Variants in KCNN2 observed in about 807,000 individuals in gnomAD.
The protein encoded by KCNN2 is small conductance calcium-activated potassium channel protein 2.
In KCNN2, 24 loss-of-function variants were observed where a neutral mutation model predicts 55.5. The ratio of observed to expected loss-of-function variants is 0.43; its 90% CI spans 0.31 to 0.61. The LOEUF is 0.61. KCNN2 is among the 20% of genes least tolerant of loss of function. KCNN2 has a pLI of 0.08. For synonymous variants in KCNN2, 431 were observed against 336.1 expected, an observed-to-expected ratio of 1.28 and a Z score of -3.09; for missense variants, 754 against 853.6, an observed-to-expected ratio of 0.88 and a Z score of 1.45.
intron 1 of KCNN2, among the ~76,000 whole-genome samples, chr5:114,213,250 T>TGCCC (rs1753926551): frequency 6.6e-6 from 1 of 152,066 alleles, no homozygotes; most frequent in Admixed American, 6.6e-5. Flanking sequence ...TTATAGATAT[T>TGCCC]GCCCATGAGT....
At chr5:114,274,732 T>G (rs568232271) in intron 2 of KCNN2, among the ~76,000 whole-genome samples, 1 of 152,306 alleles carries the variant, frequency 6.6e-6, no homozygotes, top group African/African-American at 2.4e-5. Flanking sequence ...AAGGAGATTT[T>G]GGGATGAGAC....
In KCNN2 at chr5:114,362,345, G is replaced by C. The variant is rs1757453356; in HGVS notation, c.206G>C (p.Cys69Ser). Residue 69 changes from cysteine to serine, a missense_variant, in exon 1 of 8, where the codon TGC (cysteine) becomes TCC (serine). Coordinates refer to ENST00000673685, the MANE Select transcript of KCNN2 (RefSeq NM_021614.4). Reference protein sequence around the residue: ...ASGGSSPCLRCNSCASSGAPA... With the variant: ...ASGGSSPCLRSNSCASSGAPA... ...GGCGGCAGCAGCCCATGCCTCCGGTGCAACAGCTGCGCCTCCTCCGGTGCC... is the reference window on the plus strand; with the variant it reads ...GGCGGCAGCAGCCCATGCCTCCGGTCCAACAGCTGCGCCTCCTCCGGTGCC... The C allele has an allele frequency of 1.1e-5, 2 of 188,762 alleles. No individual in the cohort carries two copies. Among genetic ancestry groups the C allele is most frequent in the Non-Finnish European group, 2.1e-5 (2 of 93,586 alleles). 11.7% of individuals were successfully genotyped at this position (188,762 alleles called of 1,614,324 possible). A position where few individuals can be genotyped will look rare whatever the true frequency, so the allele number is the denominator to read the frequency against.
intron 1 of KCNN2, among the ~76,000 whole-genome samples, chr5:114,072,259 T>A (rs1423055237): frequency 6.6e-6 from 1 of 151,204 alleles, no homozygotes; most frequent in Non-Finnish European, 1.5e-5. Flanking sequence ...GCCATTGCAC[T>A]CCAGCCTGGG....
chr5:114,252,688 C>G (rs1754892633), intron 2 of KCNN2, among the ~76,000 whole-genome samples: 1 of 152,064 alleles, frequency 6.6e-6, no homozygotes, highest in Admixed American at 6.6e-5. Context: ...CAACCTCTGC[C>G]ATTTTCTCTG....
intron 2 of KCNN2, among the ~76,000 whole-genome samples, chr5:114,397,192 G>A (rs1396103662): frequency 9.2e-5 from 14 of 152,094 alleles, no homozygotes; most frequent in African/African-American, 1.2e-4. Context: ...ATACGCGTAC[G>A]TGTATCTTTA....
intron 6 of KCNN2, among the ~76,000 whole-genome samples, chr5:114,489,816 G>A (rs527249064): frequency 6.6e-6 from 1 of 152,158 alleles, no homozygotes; most frequent in African/African-American, 2.4e-5. Context: ...TGAGACCCTC[G>A]GCCTTATCTG....
chr5:114,122,358 T>C (rs1751844374), intron 1 of KCNN2, among the ~76,000 whole-genome samples: 1 of 152,190 alleles, frequency 6.6e-6, no homozygotes, highest in Admixed American at 6.5e-5. Flanking sequence ...TTCCTCTTCC[T>C]GGACAGGAAG....
At chr5:114,351,746 T>C (rs565589135) in intron 2 of KCNN2, among the ~76,000 whole-genome samples, 13 of 151,914 alleles carry the variant, frequency 8.6e-5, no homozygotes, top group South Asian at 2.1e-4. Flanking sequence ...ATTGTATTGA[T>C]AGTTTGTATT....
chr5:114,363,822 T>G, intron 1 of KCNN2, 84 bp from the exon 2 acceptor site: 1 of 914,342 alleles, frequency 1.1e-6, no homozygotes, highest in Non-Finnish European at 1.8e-6. Flanking sequence ...GGTCCACCTG[T>G]GGGGGACTGA....
Position 114,465,307 on chromosome 5 carries a change from C to CTT in KCNN2, c.1779+2119_1779+2120dup, listed in dbSNP as rs1379594673. Among the ~76,000 whole-genome samples the CTT allele has an allele frequency of 9.2e-5, 14 of 152,204 alleles. No homozygotes were observed. In the East Asian group the frequency reaches 2.7e-3, roughly 29 times the overall value. ...TGCTCAGGTTTCACTACTGATCTTA[C>CTT]TTTGCTTAAAAAAGAGAGGTTATGG... On this transcript the variant is annotated intron_variant, in intron 4 of 7. Coordinates refer to ENST00000673685, the MANE Select transcript of KCNN2 (RefSeq NM_021614.4).
chr5:114,362,721 C>A lies in KCNN2; in HGVS notation c.582C>A (p.His194Gln). Reference protein sequence around the residue: ...HHHHHPHPAHHQHHQPQARRE... With the variant: ...HHHHHPHPAHQQHHQPQARRE... ...ACCACCACCCGCACCCGGCGCACCA[C>A]CAGCACCACCAGCCCCAGGCGCGCC... Residue 194 changes from histidine (H) to glutamine (Q), a missense_variant, in exon 1 of 8, where the codon CAC (histidine) becomes CAA (glutamine). This residue lies in a region of KCNN2 where 381 missense variants were observed against 259.1 expected (regional missense o/e 1.47). Coordinates refer to ENST00000673685, the MANE Select transcript of KCNN2 (RefSeq NM_021614.4). 1 of 1,513,658 alleles carries A rather than the reference C, an allele frequency of 6.6e-7. No homozygotes were observed. Among genetic ancestry groups the A allele is most frequent in the Non-Finnish European group, 8.8e-7 (1 of 1,139,314 alleles). 93.8% of individuals were successfully genotyped at this position (1,513,658 alleles called of 1,614,324 possible). A position where few individuals can be genotyped will look rare whatever the true frequency, so the allele number is the denominator to read the frequency against.
intron 2 of KCNN2, among the ~76,000 whole-genome samples, chr5:114,355,312 G>A (rs1296933711): frequency 2.0e-5 from 3 of 152,182 alleles, no homozygotes; most frequent in African/African-American, 7.2e-5. Flanking sequence ...CAGGAAACGA[G>A]AAAAATGAGT....
At chr5:114,387,799 A>T (rs555039871) in intron 2 of KCNN2, among the ~76,000 whole-genome samples, 1 of 152,164 alleles carries the variant, frequency 6.6e-6, no homozygotes, top group East Asian at 1.9e-4. Context: ...CATTTCAGAG[A>T]TGTTCATTCT....
chr5:114,428,383 A>G (rs1759689264), intron 3 of KCNN2, among the ~76,000 whole-genome samples: 1 of 152,184 alleles, frequency 6.6e-6, no homozygotes, highest in Non-Finnish European at 1.5e-5. Flanking sequence ...GCAGTACCTT[A>G]TTATGCTAAT....
chr5:114,356,649 T>G (rs1444519181), intron 2 of KCNN2, among the ~76,000 whole-genome samples: 1 of 152,046 alleles, frequency 6.6e-6, no homozygotes, highest in Non-Finnish European at 1.5e-5. Context: ...AACACAATAA[T>G]TAGCCCCTAA....
At chr5:114,209,053 G>T (rs1265105929) in intron 1 of KCNN2, among the ~76,000 whole-genome samples, 1 of 139,808 alleles carries the variant, frequency 7.2e-6, no homozygotes, top group African/African-American at 2.6e-5. Context: ...CACTGTTGGT[G>T]ACTTCTGCCT....
At chr5:114,400,973 G>GT (rs889315953) in intron 2 of KCNN2, among the ~76,000 whole-genome samples, 26 of 143,368 alleles carry the variant, frequency 1.8e-4, no homozygotes, top group East Asian at 1.0e-3. Flanking sequence ...TCTTGACTAT[G>GT]TTTTTTTTTT....
At chr5:114,271,536 G>A (rs945098323) in intron 2 of KCNN2, among the ~76,000 whole-genome samples, 3 of 152,182 alleles carry the variant, frequency 2.0e-5, no homozygotes, top group Non-Finnish European at 2.9e-5. Context: ...TCCTCAAGGT[G>A]TATAAATAAT....
At chr5:114,137,711 C>A (rs1047326153) in intron 1 of KCNN2, among the ~76,000 whole-genome samples, 4 of 151,604 alleles carry the variant, frequency 2.6e-5, no homozygotes, top group Non-Finnish European at 4.4e-5. Context: ...TAGAAGAAAT[C>A]AAAAAGTAGC....
Sources: gnomAD v4.1 joint callset for allele counts (sites outside exome capture counted in the v4.1 genomes callset) on GRCh38, gnomAD v4.1.1 for gene constraint, gnomAD v4.1.1 regional missense constraint, MANE v1.5 for transcripts, NCBI Gene and HGNC (gene_info 2026-07-23, HGNC 2026-07-21) for gene names.